FBF1: variants seen among roughly 807,000 people sequenced by gnomAD.
FBF1 encodes the protein Fas binding factor 1.
Under a neutral mutation model 147.2 loss-of-function variants are expected in FBF1, and 119 were observed. The observed-to-expected ratio is 0.81, with a 90% CI of 0.70 to 0.94. FBF1 has a LOEUF of 0.94. Among genes scored for constraint, FBF1 ranks in the 40% least tolerant of loss-of-function variants. The pLI is 0.00. For missense variants in FBF1, 1,449 were observed against 1,500.8 expected (o/e 0.97, Z 0.57); for synonymous variants, 601 against 609.0 (o/e 0.99, Z 0.19).
rs201327400 is a variant in FBF1 at position 75,919,900 on chromosome 17, C to T, written c.1932-26G>A. 3.0e-5 allele frequency: 48 copies of T among 1,613,368 alleles called. No homozygotes were observed. The African/African-American group carries it at 3.5e-4, about 12-fold the overall frequency. On this transcript the variant is annotated intron_variant, in intron 19 of 29. Transcript: ENST00000636174. This position sits in a 1 kb window ranked among gnomAD's most constrained non-coding sequence, Gnocchi z 5.0. ...CTGCCAACAGAACACCCAGCCATGGCGCAAGGAAGGCAGAGGGCTGCCGCC... is the reference window on the plus strand; with the variant it reads ...CTGCCAACAGAACACCCAGCCATGGTGCAAGGAAGGCAGAGGGCTGCCGCC...
Position 75,910,168 on chromosome 17 carries a change from G to A in FBF1, c.*555C>T. On this transcript the variant is annotated 3_prime_UTR_variant, in exon 30 of 30. Transcript: ENST00000636174. This position sits in a 1 kb window ranked among gnomAD's most constrained non-coding sequence, Gnocchi z 4.1. ...CTCTGGGCAAGCCCAGGAGGAGGAG[G>A]GCCTGGCTGAGTTCCAGGAACATCT... 2.5e-6 allele frequency: 1 copy of A among 407,266 alleles called. No homozygotes were observed. The highest frequency in any genetic ancestry group is 4.8e-6 in the Non-Finnish European group (1 of 210,028). The allele number at this position is 407,266 out of a possible 1,614,324, so 25.2% of individuals were successfully genotyped here. A position where few individuals can be genotyped will look rare whatever the true frequency, so the allele number is the denominator to read the frequency against.
rs548395657 is a variant in FBF1, at chr17:75,918,220, G to T, written c.2188C>A (p.Leu730Ile). The T allele has an allele frequency of 4.3e-6, 7 of 1,613,496 alleles. No homozygotes were observed. In the South Asian group the frequency reaches 7.7e-5, roughly 18 times the overall value. Residue 730 changes from leucine to isoleucine, a missense_variant, in exon 21 of 30, where the codon CTA becomes ATA. Leu to Ile is a conservative substitution (Grantham distance 5, BLOSUM62 2). Transcript: ENST00000636174. The surrounding 1 kb of genome is among the most constrained non-coding windows in gnomAD (Gnocchi z 5.8). ...RRDHEEQLQRLKLLKDREVDA... is the reference protein window; with the variant it reads ...RRDHEEQLQRIKLLKDREVDA... ...ACCTCTCGGTCCTTCAGCAGCTTTAGCCGCTGCAGCTGCTCCTCGTGGTCT... is the reference window on the plus strand; with the variant it reads ...ACCTCTCGGTCCTTCAGCAGCTTTATCCGCTGCAGCTGCTCCTCGTGGTCT...
In FBF1 at chr17:75,914,919, T is replaced by A; in HGVS notation, c.2642A>T (p.Glu881Val). 6.2e-7 allele frequency: 1 copy of A among 1,611,658 alleles called. No homozygotes were observed. The highest frequency in any genetic ancestry group is 1.1e-5 in the South Asian group (1 of 90,930). Residue 881 changes from glutamate (E) to valine (V), a missense_variant, in exon 25 of 30, where the codon GAG becomes GTG. Physicochemically the swap from Glu to Val is moderately radical, Grantham distance 121. Coordinates refer to ENST00000636174, the MANE Select transcript of FBF1 (RefSeq NM_001319193.2). ...ELERAKSALL[E>V]EQKSVMLKCG... Reference sequence around the variant, plus strand: ...CTTGAGCATGACAGACTTCTGCTCCTCCAGCAAGGCGCTCTGGGATGTGGG... The same window carrying A: ...CTTGAGCATGACAGACTTCTGCTCCACCAGCAAGGCGCTCTGGGATGTGGG...
rs549239593 is a variant in FBF1, at chr17:75,928,539, G to A, written c.280-346C>T. On this transcript the variant is annotated intron_variant, in intron 7 of 29. Coordinates refer to ENST00000636174, the MANE Select transcript of FBF1 (RefSeq NM_001319193.2). The surrounding 1 kb of genome is among the most constrained non-coding windows in gnomAD (Gnocchi z 4.2). ...TTTTTAGACAGGATATTGGCCGGGC[G>A]CGGTGGCTCATGCCTAGAATCCCAG... 7.9e-5 allele frequency among the ~76,000 whole-genome samples: 12 copies of A among 152,188 alleles called. No homozygotes were observed. The East Asian group carries it at 9.7e-4, about 12-fold the overall frequency.
chr17:75,914,318 T>G lies in FBF1; in HGVS notation c.2815-20A>C, dbSNP rs2065474837. 3 of 1,577,470 alleles carry G rather than the reference T, an allele frequency of 1.9e-6. No homozygotes were observed. Among genetic ancestry groups the G allele is most frequent in the Admixed American group, 1.8e-5 (1 of 56,534 alleles). On this transcript the variant is annotated intron_variant, in intron 25 of 29. Transcript: ENST00000636174. ...CTGCTCCTGGAGACAGCGGAGGCCC[T>G]GCTGCATTCTCCTCCCAGGAATTGC...
intron 1 of FBF1, among the ~76,000 whole-genome samples, chr17:75,939,382 C>T (rs1043864347): frequency 6.6e-6 from 1 of 151,280 alleles, no homozygotes; most frequent in Non-Finnish European, 1.5e-5. Context: ...GGGCAGTGGC[C>T]ATCATCCCTT....
intron 5 of FBF1, 150 bp from the exon 6 acceptor site, chr17:75,931,439 G>T: frequency 1.5e-6 from 1 of 650,498 alleles, no homozygotes; most frequent in Non-Finnish European, 2.7e-6. Context: ...GCCACCTGAT[G>T]CAGTGATTTT....
chr17:75,934,836 G>A lies in FBF1; in HGVS notation c.73+796C>T, dbSNP rs560651770. Reference sequence around the variant, plus strand: ...GGAGGTTGCGGTGAGCCGAGATTGCGCCATTGCACTCCAGCCTGGGCAACA... The same window carrying A: ...GGAGGTTGCGGTGAGCCGAGATTGCACCATTGCACTCCAGCCTGGGCAACA... On this transcript the variant is annotated intron_variant, in intron 4 of 29. Coordinates refer to ENST00000636174, the MANE Select transcript of FBF1 (RefSeq NM_001319193.2). Among the ~76,000 whole-genome samples the A allele has an allele frequency of 1.9e-4, 28 of 144,962 alleles. No individual in the cohort carries two copies. In the South Asian group the frequency reaches 3.2e-3, roughly 17 times the overall value.
chr17:75,912,363 G>C (rs2065461334), intron 28 of FBF1, 56 bp from the exon 29 acceptor site: 13 of 1,349,218 alleles, frequency 9.6e-6, no homozygotes, highest in East Asian at 2.5e-5. Flanking sequence ...ATACCGGGCG[G>C]TCACAGCTTG....
chr17:75,932,654 C>T (rs1034238750), intron 5 of FBF1, among the ~76,000 whole-genome samples: 1 of 152,020 alleles, frequency 6.6e-6, no homozygotes, highest in African/African-American at 2.4e-5. Context: ...TTTGGGAGGC[C>T]GAGGTGGGCG....
chr17:75,912,491 C>T (rs1385123095), intron 28 of FBF1, among the ~76,000 whole-genome samples, 184 bp from the exon 29 acceptor site: 1 of 152,226 alleles, frequency 6.6e-6, no homozygotes, highest in Admixed American at 6.5e-5. Context: ...CTGGAAAGAC[C>T]ATTTATAGGA....
chr17:75,921,585 G>A, intron 15 of FBF1, 25 bp from the exon 16 acceptor site: 1 of 1,583,730 alleles, frequency 6.3e-7, no homozygotes, highest in Non-Finnish European at 8.6e-7. Flanking sequence ...ATGGGGCATG[G>A]TGAGCAGCCT....
rs938513222 is a variant in FBF1, at chr17:75,924,760, G to T, written c.968+587C>A. ...CCCAAACTGCTGAGATTACAGGCAT[G>T]AGCCACCATACCCAGCCGACTTTTG... is the stretch of plus-strand genomic sequence containing the variant. On this transcript the variant is annotated intron_variant, in intron 13 of 29. Coordinates refer to ENST00000636174, the MANE Select transcript of FBF1 (RefSeq NM_001319193.2). Among the ~76,000 whole-genome samples, 7 of 152,292 alleles carry T rather than the reference G, an allele frequency of 4.6e-5. No individual in the cohort carries two copies. The East Asian group carries it at 9.6e-4, about 21-fold the overall frequency.
At position 75,918,054 on chromosome 17, in the gene FBF1, T is replaced by C. The variant is rs2065499994; in HGVS notation, c.2263A>G (p.Ile755Val). ...CTGGAGAACTTCTCCATCTGGTGGA[T>C]GATGCTATTCAGGGACCTGGAAGAA... Reference protein sequence around the residue: ...TSHTRSLNSIIHQMEKFSSSL... With the variant: ...TSHTRSLNSIVHQMEKFSSSL... Residue 755 changes from isoleucine to valine, a missense_variant, in exon 22 of 30, where the codon ATC (isoleucine) becomes GTC (valine). Transcript: ENST00000636174. The surrounding 1 kb of genome is among the most constrained non-coding windows in gnomAD (Gnocchi z 5.8). 6.2e-7 allele frequency: 1 copy of C among 1,610,508 alleles called. No homozygotes were observed. Among genetic ancestry groups the C allele is most frequent in the Admixed American group, 1.7e-5 (1 of 59,742 alleles).
At position 75,931,260 on chromosome 17, in the gene FBF1, G is replaced by T. The variant is rs768799826; in HGVS notation, c.197C>A (p.Thr66Asn). The T allele has an allele frequency of 6.3e-7, 1 of 1,583,598 alleles. No homozygotes were observed. Among genetic ancestry groups the T allele is most frequent in the Non-Finnish European group, 8.6e-7 (1 of 1,165,010 alleles). Reference sequence around the variant, plus strand: ...ATCAGCTTCTTCCAGGCCTGCCATGGTGCTGAAGACATCATCACCCAGGAG... The same window carrying T: ...ATCAGCTTCTTCCAGGCCTGCCATGTTGCTGAAGACATCATCACCCAGGAG... The part of the protein sequence containing the change: ...KSLLGDDVFS[T>N]MAGLEEADAE... Residue 66 changes from threonine (T) to asparagine (N), a missense_variant, in exon 6 of 30, where the codon ACC (threonine) becomes AAC (asparagine). Physicochemically the swap from Thr to Asn is moderately conservative, Grantham distance 65. Transcript: ENST00000636174.
At chr17:75,933,329 C>G (rs117689013) in intron 4 of FBF1, among the ~76,000 whole-genome samples, 3,097 of 152,222 alleles carry the variant, frequency 0.02, 60 homozygotes, top group South Asian at 0.033. Flanking sequence ...CCAACCCAAC[C>G]CAACTCAATG....
Position 75,912,197 on chromosome 17 carries a change from C to G in FBF1, c.3358G>C (p.Glu1120Gln). The change falls in exon 29 of 30, where the codon GAG becomes CAG. Residue 1120 changes from glutamate (E) to glutamine (Q), a missense_variant. Glu to Gln is a conservative substitution (Grantham distance 29). Coordinates refer to ENST00000636174, the MANE Select transcript of FBF1 (RefSeq NM_001319193.2). ...ARLALLRHMA[E>Q]QDRDFLENEQ... Reference sequence around the variant, plus strand: ...CAAGGCCAGGAGAGACTCACCTGCTCTGCCATGTGCCTCAGCAGTGCCAGC... The same window carrying G: ...CAAGGCCAGGAGAGACTCACCTGCTGTGCCATGTGCCTCAGCAGTGCCAGC... 1 of 1,607,362 alleles carries G rather than the reference C, an allele frequency of 6.2e-7. No individual in the cohort carries two copies. Among genetic ancestry groups the G allele is most frequent in the Non-Finnish European group, 8.5e-7 (1 of 1,177,690 alleles).
Position 75,913,939 on chromosome 17 carries a change from G to A in FBF1, c.3103C>T (p.Arg1035Trp), listed in dbSNP as rs749728329. Residue 1035 changes from arginine to tryptophan, a missense_variant, in exon 27 of 30, where the codon CGG (arginine) becomes TGG (tryptophan). Arg to Trp is a moderately radical substitution (Grantham distance 101). Transcript: ENST00000636174. ...QAVQQQQERLRKQEQHMHQEH... is the reference protein window; with the variant it reads ...QAVQQQQERLWKQEQHMHQEH... ...TGGTGCATGTGCTGCTCCTGCTTCCGCAGCCGCTCCTGCTGTTGCTGCACC... is the reference window on the plus strand; with the variant it reads ...TGGTGCATGTGCTGCTCCTGCTTCCACAGCCGCTCCTGCTGTTGCTGCACC... The A allele has an allele frequency of 3.4e-5, 52 of 1,547,658 alleles. No homozygotes were observed. Among genetic ancestry groups the A allele is most frequent in the Non-Finnish European group, 4.3e-5 (50 of 1,151,970 alleles).
In FBF1 at chr17:75,930,104, A is replaced by G. The variant is rs151153301; in HGVS notation, c.229-57T>C. ...GAGGAGGCACATTAGTCAAGGCCCA[A>G]TAAAACTCAGGGTCCTGGCCCCTTG... On this transcript the variant is annotated intron_variant, in intron 6 of 29. Coordinates refer to ENST00000636174, the MANE Select transcript of FBF1 (RefSeq NM_001319193.2). The G allele has an allele frequency of 7.2e-4, 1,007 of 1,398,860 alleles. 9 individuals are homozygous for G. In the African/African-American group the frequency reaches 0.012, roughly 17 times the overall value. 86.7% of individuals were successfully genotyped at this position (1,398,860 alleles called of 1,614,324 possible).
Sources: allele counts gnomAD v4.1 joint callset (sites outside exome capture counted in the v4.1 genomes callset), GRCh38; gene constraint gnomAD v4.1.1; non-coding constraint Gnocchi (gnomAD v3.1); transcripts MANE v1.5; gene names NCBI Gene and HGNC (gene_info 2026-07-23, HGNC 2026-07-21).